PPDPFL: variants seen among roughly 807,000 people sequenced by gnomAD.
PPDPFL encodes the protein pancreatic progenitor cell differentiation and proliferation factor-like protein.
In PPDPFL, 12 loss-of-function variants were observed where a neutral mutation model predicts 12.6. The ratio of observed to expected loss-of-function variants is 0.95; its 90% confidence interval spans 0.61 to 1.54. The LOEUF (loss-of-function observed/expected upper bound fraction) is 1.54. Ranked by LOEUF, PPDPFL falls within the 40% of genes most tolerant of loss-of-function variation. The probability of loss-of-function intolerance (pLI) is 0.00; values close to 1 mark genes in which losing one functional copy is unlikely to be tolerated. For synonymous variants in PPDPFL, 24 were observed against 32.7 expected (o/e 0.73, Z 0.91); for missense variants, 114 against 96.0 (o/e 1.19, Z -0.78).
chr8:49,074,334 G>A lies in PPDPFL; in HGVS notation c.233+1G>A, dbSNP rs769401276. 4 of 1,613,258 alleles carry A rather than the reference G, an allele frequency of 2.5e-6. No homozygotes were observed. The Admixed American group carries it at 5.0e-5, about 20-fold the overall frequency. ...GAATAAAAGATCTGTCTGCTACTGG[G>A]TGAGTTTTAGCCTTCTCTGGTAAGG... On this transcript the variant is annotated splice_donor_variant, in intron 4 of 4. Coordinates refer to ENST00000522267, the MANE Select transcript of PPDPFL (RefSeq NM_001256597.2). LOFTEE classifies it high-confidence loss of function.
intron 1 of PPDPFL, among the ~76,000 whole-genome samples, chr8:49,059,367 G>A (rs949022596): frequency 6.6e-6 from 1 of 152,104 alleles, no homozygotes; most frequent in Non-Finnish European, 1.5e-5. Flanking sequence ...GTAGCCAGGG[G>A]AGTAAGGCTT....
intron 1 of PPDPFL, among the ~76,000 whole-genome samples, chr8:49,062,719 T>C (rs1214860908): frequency 1.3e-5 from 2 of 152,278 alleles, no homozygotes; most frequent in Admixed American, 1.3e-4. Context: ...CAGGATGCCC[T>C]GCACACAGGG....
chr8:49,064,837 C>T (rs985229613), intron 1 of PPDPFL, among the ~76,000 whole-genome samples: 29 of 151,852 alleles, frequency 1.9e-4, no homozygotes, highest in Admixed American at 1.8e-3. Context: ...TAATATAGAT[C>T]GGGGGAAAAT....
At chr8:49,070,202 TAG>T (rs1458712948), upstream of PPDPFL, among the ~76,000 whole-genome samples, 2 of 151,846 alleles carry the variant, frequency 1.3e-5, no homozygotes, top group Non-Finnish European at 2.9e-5. Flanking sequence ...TGAGAACACA[TAG>T]ACACATCGAG....
chr8:49,057,608 C>T (rs1450578591), intron 1 of PPDPFL, among the ~76,000 whole-genome samples: 2 of 152,068 alleles, frequency 1.3e-5, no homozygotes, highest in African/African-American at 2.4e-5. Context: ...TTCAATGATA[C>T]TTCACTACAC....
intron 1 of PPDPFL, among the ~76,000 whole-genome samples, chr8:49,056,103 C>T (rs890749384): frequency 6.6e-6 from 1 of 152,096 alleles, no homozygotes; most frequent in Non-Finnish European, 1.5e-5. Context: ...AAAGCTTCCC[C>T]TCATGCTCAA....
intron 4 of PPDPFL, chr8:49,074,831 A>G: frequency 7.1e-7 from 1 of 1,411,616 alleles, no homozygotes; most frequent in Non-Finnish European, 9.2e-7. Flanking sequence ...TTGTAATTTA[A>G]TATATTTAAA....
intron 4 of PPDPFL, 49 bp from the exon 5 acceptor site, chr8:49,075,102 TG>T: frequency 6.2e-7 from 1 of 1,600,684 alleles, no homozygotes; most frequent in African/African-American, 1.3e-5. Flanking sequence ...ATCTGGACAG[TG>T]TTTCATTTAT....
intron 1 of PPDPFL, among the ~76,000 whole-genome samples, chr8:49,059,256 G>T (rs187785548): frequency 6.6e-6 from 1 of 152,128 alleles, no homozygotes; most frequent in East Asian, 1.9e-4. Flanking sequence ...GTGGGGTTGG[G>T]TGTGGAGGGT....
At chr8:49,064,917 G>A (rs1312891732) in intron 1 of PPDPFL, among the ~76,000 whole-genome samples, 1 of 152,144 alleles carries the variant, frequency 6.6e-6, no homozygotes. Context: ...TAATTCTTTG[G>A]TCTTACTGAT....
intron 2 of PPDPFL, 132 bp downstream of exon 2, chr8:49,073,017 C>A (rs1229216517): frequency 3.9e-6 from 3 of 775,402 alleles, no homozygotes; most frequent in Non-Finnish European, 6.3e-6. Context: ...ATGAAGAAAG[C>A]AGGAGGCCTC....
intron 1 of PPDPFL, among the ~76,000 whole-genome samples, chr8:49,065,695 G>T (rs999790651): frequency 1.3e-5 from 2 of 152,218 alleles, no homozygotes; most frequent in Non-Finnish European, 2.9e-5. Context: ...GAATGAGGCT[G>T]CCACATTCAA....
chr8:49,062,933 C>A (rs1808236619), intron 1 of PPDPFL, among the ~76,000 whole-genome samples: 1 of 152,108 alleles, frequency 6.6e-6, no homozygotes, highest in African/African-American at 2.4e-5. Context: ...GCTGGGTTCC[C>A]ACGAGTAGGG....
upstream of PPDPFL, among the ~76,000 whole-genome samples, chr8:49,069,862 G>A (rs1302463895): frequency 6.6e-6 from 1 of 152,154 alleles, no homozygotes; most frequent in Non-Finnish European, 1.5e-5. Flanking sequence ...GTGAACCCGG[G>A]AGGTGGAACT....
At chr8:49,058,928 A>G (rs1808153364) in intron 1 of PPDPFL, among the ~76,000 whole-genome samples, 1 of 152,190 alleles carries the variant, frequency 6.6e-6, no homozygotes, top group Non-Finnish European at 1.5e-5. Context: ...ATTGGACTAT[A>G]AATATCCTAA....
At chr8:49,073,204 A>G (rs1412962621) in intron 2 of PPDPFL, among the ~76,000 whole-genome samples, 2 of 152,198 alleles carry the variant, frequency 1.3e-5, no homozygotes, top group Non-Finnish European at 2.9e-5. Flanking sequence ...TTACATAAAT[A>G]AAGTATTATT....
chr8:49,071,635 G>A (rs1361090714), upstream of PPDPFL, among the ~76,000 whole-genome samples: 1 of 151,492 alleles, frequency 6.6e-6, no homozygotes, highest in African/African-American at 2.4e-5. Context: ...CAGCCTGGGC[G>A]ACAGAGTGAG....
chr8:49,064,869 C>A (rs938992042), intron 1 of PPDPFL, among the ~76,000 whole-genome samples: 1 of 152,138 alleles, frequency 6.6e-6, no homozygotes, highest in African/African-American at 2.4e-5. Flanking sequence ...TTCGATCTGA[C>A]ATGAAAAGCA....
At chr8:49,059,490 T>G (rs998255287) in intron 1 of PPDPFL, among the ~76,000 whole-genome samples, 1 of 152,244 alleles carries the variant, frequency 6.6e-6, no homozygotes, top group Admixed American at 6.5e-5. Context: ...GTGTTATAGA[T>G]GCAAAGGTAG....
Sources: gnomAD v4.1 joint callset for allele counts (sites outside exome capture counted in the v4.1 genomes callset) on GRCh38, gnomAD v4.1.1 for gene constraint, MANE v1.5 for transcripts, NCBI Gene and HGNC (gene_info 2026-07-23, HGNC 2026-07-21) for gene names.